The following PAPSS1 variants were observed in gnomAD, a reference collection of about 807,000 sequenced individuals.
The protein encoded by PAPSS1 is 3'-phosphoadenosine 5'-phosphosulfate synthase 1.
PAPSS1 carries 50 observed loss-of-function variants against 72.0 expected under a neutral mutation model. The ratio of observed to expected loss-of-function variants is 0.69; its 90% CI spans 0.55 to 0.88. PAPSS1 has a LOEUF of 0.88. Among genes scored for constraint, PAPSS1 ranks in the 40% least tolerant of loss-of-function variants. The probability of loss-of-function intolerance (pLI) is 0.00; values close to 1 mark genes in which losing one functional copy is unlikely to be tolerated. For missense variants in PAPSS1, 657 were observed against 782.2 expected (o/e 0.84, Z 1.91); for synonymous variants, 261 against 263.6 (o/e 0.99, Z 0.09).
In PAPSS1 at chr4:107,720,219, G is replaced by GGGAGGGTAGCAAGA; in HGVS notation, c.-54_-41dup. Reference sequence around the variant, plus strand: ...CTGAGCAGCCGGGGTTCTCTGCGCCGGGAGGGTAGCAAGAGGAGGGCAGGC... The same window carrying GGGAGGGTAGCAAGA: ...CTGAGCAGCCGGGGTTCTCTGCGCCGGGAGGGTAGCAAGAGGAGGGTAGCAAGAGGAGGGCAGGC... On this transcript the variant is annotated 5_prime_UTR_variant, in exon 1 of 12. Transcript: ENST00000265174. 3 of 1,582,980 alleles carry GGGAGGGTAGCAAGA rather than the reference G, an allele frequency of 1.9e-6. No homozygotes were observed. Among genetic ancestry groups the GGGAGGGTAGCAAGA allele is most frequent in the Non-Finnish European group, 2.6e-6 (3 of 1,166,084 alleles).
chr4:107,642,992 G>A (rs565493011), intron 10 of PAPSS1, among the ~76,000 whole-genome samples: 3 of 152,222 alleles, frequency 2.0e-5, no homozygotes, highest in East Asian at 1.9e-4. Flanking sequence ...TCACGCCAGC[G>A]CTATTCTTAA....
At chr4:107,649,453 T>A (rs915416652) in intron 9 of PAPSS1, among the ~76,000 whole-genome samples, 1 of 152,256 alleles carries the variant, frequency 6.6e-6, no homozygotes, top group African/African-American at 2.4e-5. Context: ...GTAGGTTCCC[T>A]TAACTCTGAC....
chr4:107,627,531 A>G (rs1726130112), intron 11 of PAPSS1, among the ~76,000 whole-genome samples: 1 of 152,122 alleles, frequency 6.6e-6, no homozygotes, highest in South Asian at 2.1e-4. Context: ...TAAAGTGGGG[A>G]GCTTTTAAAA....
At chr4:107,704,851 T>A (rs1030545200) in intron 1 of PAPSS1, among the ~76,000 whole-genome samples, 1 of 151,986 alleles carries the variant, frequency 6.6e-6, no homozygotes, top group East Asian at 1.9e-4. Flanking sequence ...CTCAGAAGGC[T>A]GAGGCAGGAG....
chr4:107,659,409 A>T (rs1003488995), intron 6 of PAPSS1, among the ~76,000 whole-genome samples: 1 of 152,158 alleles, frequency 6.6e-6, no homozygotes, highest in African/African-American at 2.4e-5. Context: ...CCCTTTTTTT[A>T]AAGTATACAT....
intron 3 of PAPSS1, among the ~76,000 whole-genome samples, chr4:107,689,571 T>C (rs1722865070): frequency 6.6e-6 from 1 of 152,208 alleles, no homozygotes; most frequent in Non-Finnish European, 1.5e-5. Context: ...AAGTTTAGTG[T>C]CTGGAATAGC....
chr4:107,666,989 G>C (rs573160201), intron 5 of PAPSS1, among the ~76,000 whole-genome samples: 5 of 152,040 alleles, frequency 3.3e-5, no homozygotes, highest in Non-Finnish European at 7.4e-5. Flanking sequence ...TTGGCTGAAG[G>C]GCTCCTAGAC....
intron 5 of PAPSS1, among the ~76,000 whole-genome samples, chr4:107,681,417 A>G (rs535081947): frequency 1.3e-5 from 2 of 152,284 alleles, no homozygotes; most frequent in South Asian, 4.1e-4. Context: ...ACAAAACACA[A>G]GGGAAAGAAA....
chr4:107,651,765 G>C (rs111814615), intron 9 of PAPSS1, among the ~76,000 whole-genome samples: 1,541 of 152,252 alleles, frequency 0.01, 27 homozygotes, highest in African/African-American at 0.034. Context: ...TTCAAGATGA[G>C]ATTTGGGAGG....
intron 10 of PAPSS1, among the ~76,000 whole-genome samples, chr4:107,643,184 T>A (rs1351153778): frequency 1.3e-5 from 2 of 152,154 alleles, no homozygotes; most frequent in Non-Finnish European, 2.9e-5. Flanking sequence ...TGCGGTATGA[T>A]CTGAATTACA....
chr4:107,651,880 T>A (rs1000785444), intron 9 of PAPSS1, among the ~76,000 whole-genome samples: 1 of 152,202 alleles, frequency 6.6e-6, no homozygotes, highest in African/African-American at 2.4e-5. Context: ...TGTTATGCTT[T>A]AGGTACCATC....
Position 107,654,831 on chromosome 4 carries a change from C to A in PAPSS1, c.965G>T (p.Gly322Val). ...ATHEDKERLDGCTAFALMYEG... is the reference protein window; with the variant it reads ...ATHEDKERLDVCTAFALMYEG... ...ATACATCAGAGCAAATGCTGTACAGCCGTCCAGCCTCTCTTTATCTTCATG... is the reference window on the plus strand; with the variant it reads ...ATACATCAGAGCAAATGCTGTACAGACGTCCAGCCTCTCTTTATCTTCATG... Residue 322 changes from glycine to valine, a missense_variant, in exon 8 of 12, where the codon GGC (glycine) becomes GTC (valine). By Grantham distance (109) the Gly-to-Val change is moderately radical (BLOSUM62 -3). Transcript: ENST00000265174. 1 of 1,613,976 alleles carries A rather than the reference C, an allele frequency of 6.2e-7. No homozygotes were observed. The highest frequency in any genetic ancestry group is 8.5e-7 in the Non-Finnish European group (1 of 1,179,904).
intron 10 of PAPSS1, among the ~76,000 whole-genome samples, chr4:107,637,634 A>C (rs558461219): frequency 4.5e-4 from 68 of 152,332 alleles, no homozygotes; most frequent in African/African-American, 1.4e-3. Flanking sequence ...TTATATCTTC[A>C]CACCAAAATC....
At chr4:107,680,193 A>G (rs374461147) in intron 5 of PAPSS1, among the ~76,000 whole-genome samples, 3 of 152,276 alleles carry the variant, frequency 2.0e-5, no homozygotes, top group East Asian at 3.9e-4. Context: ...AAAAAAATAT[A>G]TATCTACCCA....
chr4:107,706,576 ATTTT>A (rs886172818), intron 1 of PAPSS1, among the ~76,000 whole-genome samples: 1 of 152,084 alleles, frequency 6.6e-6, no homozygotes, highest in African/African-American at 2.4e-5. Flanking sequence ...TTAAACAATT[ATTTT>A]TTAATTCTTT....
chr4:107,649,020 A>T (rs1299070355), intron 9 of PAPSS1, among the ~76,000 whole-genome samples: 1 of 152,236 alleles, frequency 6.6e-6, no homozygotes, highest in Non-Finnish European at 1.5e-5. Context: ...TCTCATGACT[A>T]AAAACACTTC....
chr4:107,714,941 A>T (rs1723596667), intron 1 of PAPSS1, among the ~76,000 whole-genome samples: 4 of 152,146 alleles, frequency 2.6e-5, no homozygotes. Context: ...CCAAAACTAA[A>T]ATTTCAAAGT....
At chr4:107,684,593 T>C (rs917693239) in intron 4 of PAPSS1, among the ~76,000 whole-genome samples, 1 of 152,168 alleles carries the variant, frequency 6.6e-6, no homozygotes, top group Admixed American at 6.5e-5. Flanking sequence ...CAAAAGAACT[T>C]TGGTCTCCAC....
At chr4:107,631,194 CATACAAGG>C (rs576548003) in intron 11 of PAPSS1, among the ~76,000 whole-genome samples, 87 of 152,290 alleles carry the variant, frequency 5.7e-4, no homozygotes, top group Non-Finnish European at 1.2e-3. Flanking sequence ...CCAAGCATTT[CATACAAGG>C]GATACACAAC....
Sources: gnomAD v4.1 joint callset for allele counts (sites outside exome capture counted in the v4.1 genomes callset) on GRCh38, gnomAD v4.1.1 for gene constraint, MANE v1.5 for transcripts, NCBI Gene and HGNC (gene_info 2026-07-23, HGNC 2026-07-21) for gene names.